The following SYCP2 variants were observed in gnomAD, a reference collection of about 807,000 sequenced individuals.
The protein encoded by SYCP2 is synaptonemal complex lateral element protein.
In SYCP2, 55 loss-of-function variants were observed where a neutral mutation model predicts 211.3. The ratio of observed to expected loss-of-function variants is 0.26; its 90% CI spans 0.21 to 0.33. The LOEUF (loss-of-function observed/expected upper bound fraction) is 0.33. SYCP2 is among the 10% of genes least tolerant of loss of function. The probability of loss-of-function intolerance (pLI) is 1.00; values close to 1 mark genes in which losing one functional copy is unlikely to be tolerated. For synonymous variants in SYCP2, 570 were observed against 555.2 expected (o/e 1.03, Z -0.37); for missense variants, 1,731 against 1,752.0 (o/e 0.99, Z 0.21).
At chr20:59,926,551 A>C (rs1407912600) in intron 2 of SYCP2, among the ~76,000 whole-genome samples, 1 of 152,098 alleles carries the variant, frequency 6.6e-6, no homozygotes, top group Non-Finnish European at 1.5e-5. Flanking sequence ...CTAATAACTT[A>C]AATAATAAGT....
chr20:59,919,499 A>G lies in SYCP2; in HGVS notation c.396T>C (p.Leu132=), dbSNP rs1454040446. Residue 132 remains leucine, a synonymous_variant, in exon 6 of 45, where the codon CTT becomes CTC. Transcript: ENST00000357552. ...TAATCAATGTGATTTTTACCAGCAGAAGATCAACTAAGTCTTCTATCATAT... is the reference window on the plus strand; with the variant it reads ...TAATCAATGTGATTTTTACCAGCAGGAGATCAACTAAGTCTTCTATCATAT... ...VLNMIEDLVD[L]LLVIHDVSDE... is the part of the protein sequence containing the mutation. 1 of 1,577,330 alleles carries G rather than the reference A, an allele frequency of 6.3e-7. No individual in the cohort carries two copies. Among genetic ancestry groups the G allele is most frequent in the African/African-American group, 1.4e-5 (1 of 73,948 alleles).
chr20:59,903,469 C>T (rs1343537916), intron 15 of SYCP2, among the ~76,000 whole-genome samples: 2 of 151,816 alleles, frequency 1.3e-5, no homozygotes, highest in African/African-American at 4.8e-5. Flanking sequence ...CATTTGAGCC[C>T]ATTGATATAC....
rs1370453409 is a variant in SYCP2 at position 59,916,556 on chromosome 20, A to T, written c.443T>A (p.Val148Glu). The T allele has an allele frequency of 6.2e-7, 1 of 1,605,730 alleles. No homozygotes were observed. Among genetic ancestry groups the T allele is most frequent in the Non-Finnish European group, 8.5e-7 (1 of 1,172,494 alleles). Residue 148 changes from valine to glutamate, a missense_variant, in exon 8 of 45, where the codon GTG becomes GAG. Val to Glu is a moderately radical substitution (Grantham distance 121). Coordinates refer to ENST00000357552, the MANE Select transcript of SYCP2 (RefSeq NM_014258.4). ...DVSDEGKKQV[V>E]ESFVPRICSL... is the part of the protein sequence containing the mutation. ...ACAAATGCGAGGTACGAAACTTTCCACTACTTGTTTTTTACCTGAATAAAA... is the reference window on the plus strand; with the variant it reads ...ACAAATGCGAGGTACGAAACTTTCCTCTACTTGTTTTTTACCTGAATAAAA...
At chr20:59,914,929 G>A (rs1017505958) in intron 10 of SYCP2, among the ~76,000 whole-genome samples, 2 of 151,720 alleles carry the variant, frequency 1.3e-5, no homozygotes, top group African/African-American at 4.8e-5. Flanking sequence ...AAGCTATTAA[G>A]CTATATTATT....
Position 59,873,534 on chromosome 20 carries a change from TTTC to T in SYCP2, c.3555+319_3555+321del, listed in dbSNP as rs1426095554. Among the ~76,000 whole-genome samples, 6 of 152,150 alleles carry T rather than the reference TTTC, an allele frequency of 3.9e-5. No homozygotes were observed. The East Asian group carries it at 1.2e-3, about 29-fold the overall frequency. ...ACATATGAATTGTTTATTTCTGCAA[TTTC>T]TTATTTAATATTATCAGACCACAGT... is the stretch of plus-strand genomic sequence containing the variant. On this transcript the variant is annotated intron_variant, in intron 35 of 44. Transcript: ENST00000357552.
At chr20:59,899,549 C>G (rs1180590160) in intron 18 of SYCP2, among the ~76,000 whole-genome samples, 2 of 152,088 alleles carry the variant, frequency 1.3e-5, no homozygotes, top group Non-Finnish European at 2.9e-5. Flanking sequence ...AGCAAACCTA[C>G]CAAGAGGTAT....
chr20:59,867,305 T>C (rs1418438765), intron 39 of SYCP2, among the ~76,000 whole-genome samples: 2 of 151,770 alleles, frequency 1.3e-5, no homozygotes, highest in East Asian at 1.9e-4. Context: ...TAAGACTACA[T>C]AACTATAATA....
rs759851957 is a variant in SYCP2 at position 59,913,995 on chromosome 20, G to T, written c.810C>A (p.Gly270=). 1 of 1,599,380 alleles carries T rather than the reference G, an allele frequency of 6.3e-7. No homozygotes were observed. Among genetic ancestry groups the T allele is most frequent in the Non-Finnish European group, 8.5e-7 (1 of 1,173,780 alleles). Residue 270 remains glycine, a synonymous_variant, in exon 12 of 45, where the codon GGC becomes GGA. Transcript: ENST00000357552. ...TTTACCTTCTTTTGTCTCCAAGCATGCCATTTACAAGGTTGAGAAATATCC... is the reference window on the plus strand; with the variant it reads ...TTTACCTTCTTTTGTCTCCAAGCATTCCATTTACAAGGTTGAGAAATATCC... ...DCRIFLNLVN[G]MLGDKRRVFT... is the part of the protein sequence containing the mutation.
At chr20:59,920,578 C>A in intron 4 of SYCP2, 91 bp from the exon 5 acceptor site, 1 of 1,032,024 alleles carries the variant, frequency 9.7e-7, no homozygotes, top group South Asian at 1.6e-5. Context: ...ATATTTTAAT[C>A]TTCACAAATC....
chr20:59,924,628 T>C (rs187845837), intron 2 of SYCP2, among the ~76,000 whole-genome samples: 14 of 152,102 alleles, frequency 9.2e-5, no homozygotes, highest in African/African-American at 2.9e-4. Context: ...AAAAGTTGGA[T>C]TGTCGGGTAG....
Position 59,866,317 on chromosome 20 carries a change from T to C in SYCP2, c.4296A>G (p.Leu1432=), listed in dbSNP as rs879154705. The C allele has an allele frequency of 1.3e-6, 2 of 1,592,158 alleles. No homozygotes were observed. Among genetic ancestry groups the C allele is most frequent in the South Asian group, 2.3e-5 (2 of 85,840 alleles). The part of the protein sequence containing the change: ...LENFEKDSQS[L]KDLEKEFVDF... ...CCACAAATTCCTTTTCCAAATCTTT[T>C]AAAGACTGTGAATCTTTTTCAAAAT... Residue 1432 remains leucine (L), a synonymous_variant, in exon 41 of 45, where the codon TTA becomes TTG. Coordinates refer to ENST00000357552, the MANE Select transcript of SYCP2 (RefSeq NM_014258.4).
chr20:59,893,689 G>C (rs2059952879), intron 20 of SYCP2, 96 bp from the exon 21 acceptor site: 2 of 776,296 alleles, frequency 2.6e-6, no homozygotes, highest in Non-Finnish European at 4.0e-6. Context: ...AAACAAATCT[G>C]CCTTGATATG....
At position 59,873,856 on chromosome 20, in the gene SYCP2, C is replaced by T; in HGVS notation, c.3555G>A (p.Leu1185=). ...GAGAAAAATATATATACATTCTCAC[C>T]AAAAACAGTGGTCGTGGAATTGGTG... ...SCSPIPRPLF[L]PRHTPTKSNT... is the part of the protein sequence containing the mutation. Residue 1185 remains leucine, a splice_region_variant and synonymous_variant, in exon 35 of 45, where the codon TTG becomes TTA. Transcript: ENST00000357552. The T allele has an allele frequency of 6.2e-7, 1 of 1,604,052 alleles. No individual in the cohort carries two copies. The highest frequency in any genetic ancestry group is 1.3e-5 in the African/African-American group (1 of 74,192).
chr20:59,929,425 A>T (rs1190259079), intron 2 of SYCP2, among the ~76,000 whole-genome samples: 1 of 152,182 alleles, frequency 6.6e-6, no homozygotes, highest in Non-Finnish European at 1.5e-5. Flanking sequence ...GAAACTCAGA[A>T]GCACAAAGGG....
chr20:59,910,178 T>C (rs983386881), intron 14 of SYCP2, among the ~76,000 whole-genome samples: 1 of 152,028 alleles, frequency 6.6e-6, no homozygotes, highest in Non-Finnish European at 1.5e-5. Flanking sequence ...GAATGGCTTT[T>C]ATGGAGAACA....
intron 4 of SYCP2, among the ~76,000 whole-genome samples, chr20:59,920,801 A>T (rs1467149952): frequency 1.3e-5 from 2 of 151,590 alleles, no homozygotes; most frequent in Non-Finnish European, 3.0e-5. Flanking sequence ...AGAAACAAGA[A>T]ATTTTTATTC....
rs1363069156 is a variant in SYCP2, at chr20:59,915,188, C to T, written c.611G>A (p.Gly204Glu). 2 of 1,579,328 alleles carry T rather than the reference C, an allele frequency of 1.3e-6. No individual in the cohort carries two copies. Among genetic ancestry groups the T allele is most frequent in the Non-Finnish European group, 1.7e-6 (2 of 1,150,230 alleles). The part of the protein sequence containing the change: ...QEMLILMSSM[G>E]ERILDAGDYD... Reference sequence around the variant, plus strand: ...ACCTCCAGCATCTAAAATCCTTTCTCCCATACTACTCCTGTGAATTAAAAT... The same window carrying T: ...ACCTCCAGCATCTAAAATCCTTTCTTCCATACTACTCCTGTGAATTAAAAT... Residue 204 changes from glycine to glutamate, a missense_variant, in exon 10 of 45, where the codon GGA (glycine) becomes GAA (glutamate). Gly to Glu is a moderately conservative substitution (Grantham distance 98). This residue lies in a region of SYCP2 where 335 missense variants were observed against 378.8 expected (regional missense o/e 0.88). Coordinates refer to ENST00000357552, the MANE Select transcript of SYCP2 (RefSeq NM_014258.4).
intron 30 of SYCP2, 56 bp downstream of exon 30, chr20:59,880,910 T>C: frequency 2.4e-6 from 2 of 830,632 alleles, no homozygotes; most frequent in Non-Finnish European, 3.6e-6. Context: ...ATCTTTAACA[T>C]TAAAAATTAA....
intron 35 of SYCP2, among the ~76,000 whole-genome samples, chr20:59,872,124 T>C (rs6070985): frequency 0.019 from 2,943 of 152,122 alleles, 41 homozygotes; most frequent in Middle Eastern, 0.041. Context: ...TCTACTTTTA[T>C]CTTTCTGACA....
Sources: allele counts gnomAD v4.1 joint callset (sites outside exome capture counted in the v4.1 genomes callset), GRCh38; gene constraint gnomAD v4.1.1; regional missense constraint gnomAD v4.1.1; transcripts MANE v1.5; gene names NCBI Gene and HGNC (gene_info 2026-07-23, HGNC 2026-07-21).